ZNF831: variants seen among roughly 807,000 people sequenced by gnomAD.
The protein encoded by ZNF831 is chromosome 20 open reading frame 174.
In ZNF831, 59 loss-of-function variants were observed where a neutral mutation model predicts 95.8. The observed-to-expected ratio is 0.62, with a 90% CI of 0.50 to 0.77. The LOEUF (loss-of-function observed/expected upper bound fraction) is 0.77, where lower values mean the gene tolerates loss of function less well. ZNF831 is among the 30% of genes least tolerant of loss of function. The pLI is 0.00. For missense variants in ZNF831, 2,205 were observed against 2,164.0 expected, an observed-to-expected ratio of 1.02 and a Z score of -0.38; for synonymous variants, 961 against 925.5, an observed-to-expected ratio of 1.04 and a Z score of -0.70.
At chr20:59,233,301 A>G (rs746207970) in intron 4 of ZNF831, among the ~76,000 whole-genome samples, 3 of 152,012 alleles carry the variant, frequency 2.0e-5, no homozygotes, top group Non-Finnish European at 2.9e-5. Flanking sequence ...CAGTGAGCTC[A>G]CCCAAATCAT....
intron 4 of ZNF831, among the ~76,000 whole-genome samples, chr20:59,243,127 G>A (rs140754961): frequency 3.9e-5 from 6 of 152,124 alleles, no homozygotes; most frequent in African/African-American, 1.2e-4. Flanking sequence ...ATTCTTTCCC[G>A]TTGTCTTATT....
chr20:59,158,283 C>A (rs533627791), intron 2 of ZNF831, among the ~76,000 whole-genome samples: 1 of 152,210 alleles, frequency 6.6e-6, no homozygotes, highest in African/African-American at 2.4e-5. Flanking sequence ...ACAGTCACAG[C>A]CTGGCGTGCG....
In ZNF831 at chr20:59,210,073, A is replaced by C. The variant is rs114172303; in HGVS notation, c.4027+3017A>C. Among the ~76,000 whole-genome samples the C allele has an allele frequency of 3.3e-3, 496 of 152,320 alleles. 5 individuals carry two copies. Among genetic ancestry groups the C allele is most frequent in the African/African-American group, 0.011 (469 of 41,564 alleles). On this transcript the variant is annotated intron_variant, in intron 4 of 5. Transcript: ENST00000371030. ...CCTTACAGGTTTTATCCTATCTGTGAACCAACAGAAGTGGCCTTAAAATGT... is the reference window on the plus strand; with the variant it reads ...CCTTACAGGTTTTATCCTATCTGTGCACCAACAGAAGTGGCCTTAAAATGT...
chr20:59,253,062 G>T lies in ZNF831; in HGVS notation c.4112G>T (p.Cys1371Phe). The change falls in exon 5 of 6, where the codon TGC (cysteine) becomes TTC (phenylalanine). Residue 1371 changes from cysteine to phenylalanine, a missense_variant. Transcript: ENST00000371030. ...AAGGAAGAGAAGAAGGAAGGTGACT[G>T]CAGACAAACCTTAGGAACCCTCTCT... ...CGKEEKKEGD[C>F]RQTLGTLSLG... The T allele has an allele frequency of 6.2e-7, 1 of 1,614,196 alleles. No individual in the cohort carries two copies. The highest frequency in any genetic ancestry group is 8.5e-7 in the Non-Finnish European group (1 of 1,180,022).
At chr20:59,214,796 A>T (rs1985572938) in intron 4 of ZNF831, among the ~76,000 whole-genome samples, 1 of 152,170 alleles carries the variant, frequency 6.6e-6, no homozygotes, top group African/African-American at 2.4e-5. Context: ...ATCTGAAATG[A>T]TTATTATTCA....
At chr20:59,184,779 T>C (rs1230048575) in intron 1 of ZNF831, among the ~76,000 whole-genome samples, 2 of 152,266 alleles carry the variant, frequency 1.3e-5, no homozygotes, top group Non-Finnish European at 2.9e-5. Flanking sequence ...GGCATTTTCA[T>C]GTTCTCTCTT....
At chr20:59,162,266 C>T (rs886415772), upstream of ZNF831, among the ~76,000 whole-genome samples, 3 of 152,056 alleles carry the variant, frequency 2.0e-5, no homozygotes, top group African/African-American at 4.8e-5. Context: ...AATTAGGTAC[C>T]AGTTGTCAAT....
At chr20:59,239,382 T>C (rs1411206764) in intron 4 of ZNF831, among the ~76,000 whole-genome samples, 1 of 152,238 alleles carries the variant, frequency 6.6e-6, no homozygotes, top group African/African-American at 2.4e-5. Context: ...TGTATTCTTT[T>C]GTGATTTGAA....
intron 3 of ZNF831, among the ~76,000 whole-genome samples, chr20:59,205,602 C>T (rs545295869): frequency 6.6e-5 from 10 of 152,284 alleles, no homozygotes; most frequent in South Asian, 2.1e-4. Flanking sequence ...ATTTTGTGAG[C>T]GGCCCTGGTG....
intron 4 of ZNF831, among the ~76,000 whole-genome samples, chr20:59,220,321 G>A (rs938683131): frequency 1.2e-4 from 19 of 152,330 alleles, no homozygotes; most frequent in Admixed American, 9.8e-4. Context: ...AAATCACGGA[G>A]GCACCAGGTG....
At chr20:59,239,037 T>C (rs1405987310) in intron 4 of ZNF831, among the ~76,000 whole-genome samples, 3 of 152,344 alleles carry the variant, frequency 2.0e-5, no homozygotes, top group Non-Finnish European at 4.4e-5. Flanking sequence ...TGCTTTTGCA[T>C]AGAGAAGTTG....
rs992613777 is a variant in ZNF831 at position 59,169,343 on chromosome 20, A to G, written c.-37+5136A>G. Among the ~76,000 whole-genome samples, 1 of 152,142 alleles carries G rather than the reference A, an allele frequency of 6.6e-6. No homozygotes were observed. Among genetic ancestry groups the G allele is most frequent in the East Asian group, 1.9e-4 (1 of 5,192 alleles). On this transcript the variant is annotated intron_variant, in intron 1 of 5. Transcript: ENST00000371030. The surrounding 1 kb of genome is among the most constrained non-coding windows in gnomAD (Gnocchi z 4.1). ...TCATCAAATTTATGTGAGCTGAGTT[A>G]TTTACGGTATTCCCTTAAGGTCATT...
At chr20:59,143,979 C>T (rs775030754) in intron 1 of ZNF831, among the ~76,000 whole-genome samples, 10 of 152,204 alleles carry the variant, frequency 6.6e-5, no homozygotes, top group East Asian at 3.8e-4. Context: ...GCTGAGTGCT[C>T]GCAAGCTTTT....
At chr20:59,156,433 G>A (rs1295404040) in intron 2 of ZNF831, among the ~76,000 whole-genome samples, 1 of 152,162 alleles carries the variant, frequency 6.6e-6, no homozygotes, top group African/African-American at 2.4e-5. Context: ...GGCTGAGGCA[G>A]GAGAATGGCT....
intron 1 of ZNF831, among the ~76,000 whole-genome samples, chr20:59,186,590 G>A (rs1302990939): frequency 6.6e-6 from 1 of 152,198 alleles, no homozygotes; most frequent in Non-Finnish European, 1.5e-5. Context: ...TGGTTAAGCA[G>A]AGACAGAAAT....
chr20:59,207,039 C>T lies in ZNF831; in HGVS notation c.4010C>T (p.Thr1337Ile), dbSNP rs750606154. Residue 1337 changes from threonine (T) to isoleucine (I), a missense_variant, in exon 4 of 6, where the codon ACC becomes ATC. Thr to Ile is a moderately conservative substitution (Grantham distance 89). Transcript: ENST00000371030. ...GLKPCRTPGQ[T>I]SSEIAGLNLQ... ...AAGCCATGCAGGACCCCTGGGCAGA[C>T]CTCTTCAGAAATAGCAGGTAATGCT... 6.2e-7 allele frequency: 1 copy of T among 1,614,090 alleles called. No individual in the cohort carries two copies. Among genetic ancestry groups the T allele is most frequent in the East Asian group, 2.2e-5 (1 of 44,884 alleles).
chr20:59,131,107 A>C (rs1456291894), intron 1 of ZNF831, among the ~76,000 whole-genome samples: 1 of 152,134 alleles, frequency 6.6e-6, no homozygotes, highest in Non-Finnish European at 1.5e-5. Flanking sequence ...GGTTGAAGGA[A>C]ATGCTAGACT....
chr20:59,154,045 C>A (rs894402586), intron 2 of ZNF831, among the ~76,000 whole-genome samples: 11 of 152,066 alleles, frequency 7.2e-5, no homozygotes, highest in African/African-American at 2.2e-4. Context: ...CTAGAAAGAG[C>A]TAGTCATAAA....
chr20:59,254,644 C>A lies in ZNF831; in HGVS notation c.4935C>A (p.Ser1645=), dbSNP rs762096322. ...AAATTCCTGAAGCCCCTTCTAAATC[C>A]CTCAAGAAGAGGAGTCTGGAAGGAA... is the stretch of plus-strand genomic sequence containing the variant. ...PIEIPEAPSK[S]LKKRSLEGMR... The change falls in exon 6 of 6, where the codon TCC becomes TCA. Residue 1645 remains serine, a synonymous_variant. Transcript: ENST00000371030. This position sits in a 1 kb window ranked among gnomAD's most constrained non-coding sequence, Gnocchi z 4.5. The A allele has an allele frequency of 8.1e-6, 13 of 1,613,950 alleles. No individual in the cohort carries two copies. Among genetic ancestry groups the A allele is most frequent in the Non-Finnish European group, 1.1e-5 (13 of 1,180,036 alleles).
Sources: gnomAD v4.1 joint callset for allele counts (sites outside exome capture counted in the v4.1 genomes callset) on GRCh38, gnomAD v4.1.1 for gene constraint, Gnocchi (gnomAD v3.1) non-coding constraint, MANE v1.5 for transcripts, NCBI Gene and HGNC (gene_info 2026-07-23, HGNC 2026-07-21) for gene names.